BRINP3: variants seen among roughly 807,000 people sequenced by gnomAD.
BRINP3 encodes BMP/retinoic acid-inducible neural-specific protein 3.
BRINP3 carries 19 observed loss-of-function variants against 71.0 expected under a neutral mutation model. That is an observed-to-expected ratio of 0.27 (90% CI 0.19 to 0.39). BRINP3 has a LOEUF of 0.39. Ranked by LOEUF, BRINP3 falls within the 10% of genes least tolerant of loss-of-function variation. BRINP3 has a pLI of 1.00. For synonymous variants in BRINP3, 380 were observed against 337.7 expected, an observed-to-expected ratio of 1.13 and a Z score of -1.37; for missense variants, 959 against 940.8, an observed-to-expected ratio of 1.02 and a Z score of -0.25.
intron 7 of BRINP3, among the ~76,000 whole-genome samples, chr1:190,099,481 A>G (rs1476361108): frequency 1.3e-5 from 2 of 152,198 alleles, no homozygotes; most frequent in Non-Finnish European, 2.9e-5. Flanking sequence ...GTAAATAAAA[A>G]TGGGTCATTA....
chr1:190,166,208 G>C (rs1651522533), intron 6 of BRINP3, among the ~76,000 whole-genome samples: 1 of 152,144 alleles, frequency 6.6e-6, no homozygotes. Flanking sequence ...TCAATAGCTT[G>C]TGAACTGGAC....
At chr1:190,301,178 T>TATATATATATATATACATATATAC (rs1664670668) in intron 2 of BRINP3, among the ~76,000 whole-genome samples, 3 of 41,458 alleles carry the variant, frequency 7.2e-5, no homozygotes, top group East Asian at 6.2e-4. Context: ...TATATATACA[T>TATATATATATATATACATATATAC]ATATATATGT....
At chr1:190,110,998 AC>A (rs1652619397) in intron 7 of BRINP3, among the ~76,000 whole-genome samples, 1 of 151,818 alleles carries the variant, frequency 6.6e-6, no homozygotes, top group Non-Finnish European at 1.5e-5. Context: ...ACACGGTGAA[AC>A]CCCGTCTCTA....
intron 1 of BRINP3, among the ~76,000 whole-genome samples, chr1:190,471,173 A>G (rs1045134372): frequency 6.6e-6 from 1 of 151,100 alleles, no homozygotes; most frequent in African/African-American, 2.4e-5. Context: ...CCAGTATAAA[A>G]TCGTTATGGT....
chr1:190,393,272 T>C (rs1671364265), intron 2 of BRINP3, among the ~76,000 whole-genome samples: 1 of 151,638 alleles, frequency 6.6e-6, no homozygotes, highest in Non-Finnish European at 1.5e-5. Context: ...GGAGCTGGGA[T>C]GATTTAAAAA....
intron 2 of BRINP3, among the ~76,000 whole-genome samples, chr1:190,351,944 A>G (rs1668413973): frequency 6.6e-6 from 1 of 152,074 alleles, no homozygotes; most frequent in African/African-American, 2.4e-5. Flanking sequence ...GCTTTGAATA[A>G]GTTAGAGGTA....
At chr1:190,201,550 C>T (rs1412203420) in intron 6 of BRINP3, among the ~76,000 whole-genome samples, 1 of 152,116 alleles carries the variant, frequency 6.6e-6, no homozygotes, top group Non-Finnish European at 1.5e-5. Flanking sequence ...AAAATGTCTC[C>T]AGGGCATGAC....
At chr1:190,195,190 G>T (rs965551002) in intron 6 of BRINP3, among the ~76,000 whole-genome samples, 1 of 151,836 alleles carries the variant, frequency 6.6e-6, no homozygotes, top group African/African-American at 2.4e-5. Flanking sequence ...AGGCTAAATT[G>T]ATGTTGACTT....
intron 2 of BRINP3, among the ~76,000 whole-genome samples, chr1:190,391,110 T>A (rs2102304717): frequency 6.6e-6 from 1 of 151,846 alleles, no homozygotes; most frequent in Admixed American, 6.6e-5. Flanking sequence ...CAGAAGGAGT[T>A]TCCTGATCCC....
intron 2 of BRINP3, among the ~76,000 whole-genome samples, chr1:190,347,339 A>G (rs190835669): frequency 3.3e-5 from 5 of 152,010 alleles, no homozygotes; most frequent in African/African-American, 1.2e-4. Flanking sequence ...ACGGAGTTTC[A>G]CCATGTTGGC....
intron 2 of BRINP3, among the ~76,000 whole-genome samples, chr1:190,399,137 A>T (rs2102346675): frequency 6.6e-6 from 1 of 152,190 alleles, no homozygotes; most frequent in Admixed American, 6.5e-5. Flanking sequence ...ATAAAACAAT[A>T]TAAACTAAAT....
intron 2 of BRINP3, among the ~76,000 whole-genome samples, chr1:190,410,505 C>T (rs977591900): frequency 3.3e-5 from 5 of 151,802 alleles, no homozygotes; most frequent in Non-Finnish European, 5.9e-5. Context: ...ATTTGGATGT[C>T]ATCAGTGTAT....
intron 5 of BRINP3, among the ~76,000 whole-genome samples, chr1:190,228,125 G>C (rs745642488): frequency 6.6e-6 from 1 of 151,842 alleles, no homozygotes; most frequent in African/African-American, 2.4e-5. Flanking sequence ...AAAATACTTA[G>C]AGGCATAAAA....
intron 1 of BRINP3, among the ~76,000 whole-genome samples, chr1:190,473,621 A>G (rs1471906629): frequency 1.3e-5 from 2 of 151,270 alleles, no homozygotes; most frequent in Admixed American, 6.6e-5. Flanking sequence ...AACAATATCA[A>G]TAATAATAAC....
chr1:190,364,320 T>C (rs1669346935), intron 2 of BRINP3, among the ~76,000 whole-genome samples: 2 of 152,128 alleles, frequency 1.3e-5, no homozygotes, highest in Non-Finnish European at 1.5e-5. Flanking sequence ...TGTATCAAGA[T>C]TGAAATGATA....
At chr1:190,344,474 GT>G (rs1667882834) in intron 2 of BRINP3, among the ~76,000 whole-genome samples, 2 of 151,820 alleles carry the variant, frequency 1.3e-5, no homozygotes, top group Non-Finnish European at 2.9e-5. Flanking sequence ...GCAAACATAA[GT>G]AGCAAAGATT....
chr1:190,158,965 A>G (rs1261357752), intron 7 of BRINP3, among the ~76,000 whole-genome samples: 21 of 152,032 alleles, frequency 1.4e-4, no homozygotes. Flanking sequence ...ATATCATACA[A>G]CTGATAGGGA....
chr1:190,261,802 A>C (rs1236169372), intron 4 of BRINP3, among the ~76,000 whole-genome samples: 1 of 152,216 alleles, frequency 6.6e-6, no homozygotes, highest in Non-Finnish European at 1.5e-5. Flanking sequence ...GACAATTTAA[A>C]GCATACAAGC....
chr1:190,134,357 T>C (rs1486613927), intron 7 of BRINP3, among the ~76,000 whole-genome samples: 1 of 151,946 alleles, frequency 6.6e-6, no homozygotes, highest in Admixed American at 6.6e-5. Flanking sequence ...ATGAGTTCAT[T>C]GAGAGTGACA....
Sources: allele counts gnomAD v4.1 joint callset (sites outside exome capture counted in the v4.1 genomes callset), GRCh38; gene constraint gnomAD v4.1.1; transcripts MANE v1.5; gene names NCBI Gene and HGNC (gene_info 2026-07-23, HGNC 2026-07-21).